NEK1: variants seen among roughly 807,000 people sequenced by gnomAD.
NEK1 encodes NIMA related kinase 1, also known as serine/threonine-protein kinase Nek1.
Under a neutral mutation model 182.1 loss-of-function variants are expected in NEK1, and 137 were observed. That is an observed-to-expected ratio of 0.75 (90% CI 0.65 to 0.87). The LOEUF (loss-of-function observed/expected upper bound fraction) is 0.87. NEK1 is among the 40% of genes least tolerant of loss of function. NEK1 has a pLI of 0.00. For synonymous variants in NEK1, 513 were observed against 492.2 expected (o/e 1.04, Z -0.56); for missense variants, 1,391 against 1,494.4 (o/e 0.93, Z 1.14).
Position 169,587,586 on chromosome 4 carries a change from A to T in NEK1, c.579T>A (p.Leu193=), listed in dbSNP as rs1435120114. The change falls in exon 9 of 36, where the codon CTT becomes CTA. Residue 193 remains leucine (L), a synonymous_variant. Coordinates refer to ENST00000507142, the MANE Select transcript of NEK1 (RefSeq NM_001199397.3). ...KSDIWALGCV[L]YELCTLKHAF... is the part of the protein sequence containing the mutation. ...CATGTTTAAGTGTACACAGCTCATA[A>T]AGGACACACCCCAGAGCCCAAATGT... The T allele has an allele frequency of 7.1e-6, 11 of 1,551,824 alleles. No homozygotes were observed. Among genetic ancestry groups the T allele is most frequent in the Non-Finnish European group, 8.7e-6 (10 of 1,145,312 alleles).
chr4:169,415,230 C>T (rs537185075), intron 31 of NEK1, among the ~76,000 whole-genome samples: 14 of 152,336 alleles, frequency 9.2e-5, no homozygotes, highest in Admixed American at 7.8e-4. Context: ...CACAAACTAA[C>T]CTTCAGTGAT....
intron 27 of NEK1, among the ~76,000 whole-genome samples, chr4:169,448,913 C>T (rs751837140): frequency 3.9e-5 from 6 of 152,196 alleles, no homozygotes; most frequent in Admixed American, 6.5e-5. Context: ...CAAGGGAAGC[C>T]GTGACAGACT....
chr4:169,589,512 G>A lies in NEK1; in HGVS notation c.399C>T (p.Asn133=). 6.8e-7 allele frequency: 1 copy of A among 1,473,638 alleles called. No homozygotes were observed. The highest frequency in any genetic ancestry group is 9.2e-7 in the Non-Finnish European group (1 of 1,087,818). The allele number at this position is 1,473,638 out of a possible 1,614,324, so 91.3% of individuals were successfully genotyped here. A position where few individuals can be genotyped will look rare whatever the true frequency, so the allele number is the denominator to read the frequency against. The part of the protein sequence containing the change: ...KILHRDIKSQ[N]IFLTKDGTVQ... Reference sequence around the variant, plus strand: ...CTGTTCCATCTTTAGTTAAAAATATGTTCTGTAAAAGACAGGAAAAAAAAA... The same window carrying A: ...CTGTTCCATCTTTAGTTAAAAATATATTCTGTAAAAGACAGGAAAAAAAAA... Residue 133 remains asparagine, a splice_region_variant and synonymous_variant, in exon 7 of 36, where the codon AAC becomes AAT. Transcript: ENST00000507142.
intron 23 of NEK1, among the ~76,000 whole-genome samples, chr4:169,483,186 G>A (rs1055043050): frequency 7.9e-5 from 12 of 152,092 alleles, no homozygotes; most frequent in African/African-American, 2.9e-4. Context: ...GTGAGACAGG[G>A]GAACTACCAG....
At chr4:169,464,332 A>C (rs978518543) in intron 26 of NEK1, among the ~76,000 whole-genome samples, 7 of 152,130 alleles carry the variant, frequency 4.6e-5, no homozygotes, top group Admixed American at 3.9e-4. Flanking sequence ...TTAAAAGGTT[A>C]CTCTATGCTG....
At chr4:169,608,813 C>A (rs1287152969) in intron 2 of NEK1, among the ~76,000 whole-genome samples, 1 of 152,034 alleles carries the variant, frequency 6.6e-6, no homozygotes, top group Non-Finnish European at 1.5e-5. Flanking sequence ...AATCCCAGCA[C>A]TTTGGGAGGC....
At chr4:169,481,726 A>G (rs1331215284) in intron 23 of NEK1, among the ~76,000 whole-genome samples, 2 of 152,220 alleles carry the variant, frequency 1.3e-5, no homozygotes, top group African/African-American at 4.8e-5. Flanking sequence ...TAGATTTAGC[A>G]TAATTCTTAA....
chr4:169,493,747 G>T (rs1448705667), intron 23 of NEK1, among the ~76,000 whole-genome samples: 1 of 151,966 alleles, frequency 6.6e-6, no homozygotes, highest in Admixed American at 6.6e-5. Context: ...TAAAGAGAAA[G>T]AATTTAAAAA....
intron 29 of NEK1, among the ~76,000 whole-genome samples, chr4:169,431,026 TATATC>T (rs1228615577): frequency 6.6e-6 from 1 of 152,106 alleles, no homozygotes; most frequent in Non-Finnish European, 1.5e-5. Flanking sequence ...ATTCAACTAT[TATATC>T]ATATCAAAGA....
At chr4:169,483,796 G>A (rs1338063612) in intron 23 of NEK1, among the ~76,000 whole-genome samples, 2 of 148,602 alleles carry the variant, frequency 1.3e-5, no homozygotes, top group East Asian at 2.0e-4. Flanking sequence ...AACCCGTGAG[G>A]CAGAGGTTGC....
intron 18 of NEK1, among the ~76,000 whole-genome samples, chr4:169,543,997 C>T (rs1261597452): frequency 6.6e-6 from 1 of 152,176 alleles, no homozygotes; most frequent in Non-Finnish European, 1.5e-5. Context: ...CCTGATTGCC[C>T]TGGCCAGAAC....
intron 28 of NEK1, among the ~76,000 whole-genome samples, chr4:169,436,463 A>G (rs1377959236): frequency 6.6e-6 from 1 of 152,226 alleles, no homozygotes; most frequent in African/African-American, 2.4e-5. Context: ...GGTAACTGCA[A>G]TAATGTGGAA....
chr4:169,438,197 T>C lies in NEK1; in HGVS notation c.2650A>G (p.Ile884Val). The change falls in exon 28 of 36, where the codon ATT becomes GTT. Residue 884 changes from isoleucine (I) to valine (V), a missense_variant. By Grantham distance (29) the Ile-to-Val change is conservative. Coordinates refer to ENST00000507142, the MANE Select transcript of NEK1 (RefSeq NM_001199397.3). Reference sequence around the variant, plus strand: ...GCTGATGGGTTTATTTCATGTGAAATACATTGTACTTTTTTTTCTCCAGTA... The same window carrying C: ...GCTGATGGGTTTATTTCATGTGAAACACATTGTACTTTTTTTTCTCCAGTA... Reference protein sequence around the residue: ...LITGEKKVQCISHEINPSAIV... With the variant: ...LITGEKKVQCVSHEINPSAIV... 1 of 1,588,370 alleles carries C rather than the reference T, an allele frequency of 6.3e-7. No homozygotes were observed. The highest frequency in any genetic ancestry group is 1.1e-5 in the South Asian group (1 of 87,422).
chr4:169,495,484 C>T (rs1308377175), intron 23 of NEK1, among the ~76,000 whole-genome samples: 4 of 151,990 alleles, frequency 2.6e-5, no homozygotes, highest in Non-Finnish European at 4.4e-5. Context: ...CCTCGTGATC[C>T]GCCCGTCTCG....
chr4:169,473,380 G>A (rs1255281980), intron 26 of NEK1, among the ~76,000 whole-genome samples: 1 of 151,966 alleles, frequency 6.6e-6, no homozygotes, highest in Non-Finnish European at 1.5e-5. Flanking sequence ...GGTGAGGGTT[G>A]AAAAATTATC....
chr4:169,600,821 CTTCTA>C (rs1770366659), intron 4 of NEK1, among the ~76,000 whole-genome samples: 1 of 152,152 alleles, frequency 6.6e-6, no homozygotes, highest in African/African-American at 2.4e-5. Context: ...AGCATGTATT[CTTCTA>C]AAACTAAGAG....
chr4:169,410,526 T>C (rs1733495666), intron 31 of NEK1, among the ~76,000 whole-genome samples: 1 of 152,212 alleles, frequency 6.6e-6, no homozygotes, highest in Non-Finnish European at 1.5e-5. Context: ...CACATTCTTT[T>C]AGCCTCTGTT....
chr4:169,461,877 TATA>T lies in NEK1; in HGVS notation c.2587+1363_2587+1365del, dbSNP rs1005439721. Among the ~76,000 whole-genome samples the T allele has an allele frequency of 9.2e-5, 14 of 152,122 alleles. 1 individual carries two copies. The highest frequency in any genetic ancestry group is 4.1e-4 in the South Asian group (2 of 4,834). On this transcript the variant is annotated intron_variant, in intron 27 of 35. Transcript: ENST00000507142. The stretch of plus-strand genomic sequence containing the variant: ...TTCCTTTATAGCTTACCATCTAACA[TATA>T]ATAGTGAACACAACTAAGAAGTGTT...
At chr4:169,493,893 C>T (rs1750599514) in intron 23 of NEK1, among the ~76,000 whole-genome samples, 1 of 151,994 alleles carries the variant, frequency 6.6e-6, no homozygotes, top group Non-Finnish European at 1.5e-5. Context: ...GAAAAATTTC[C>T]CCAATCTTCC....
Sources: gnomAD v4.1 joint callset for allele counts (sites outside exome capture counted in the v4.1 genomes callset) on GRCh38, gnomAD v4.1.1 for gene constraint, MANE v1.5 for transcripts, NCBI Gene and HGNC (gene_info 2026-07-23, HGNC 2026-07-21) for gene names.